The following PPM1B variants were observed in gnomAD, a reference collection of about 807,000 sequenced individuals.
PPM1B encodes the protein protein phosphatase 1B.
In PPM1B, 22 loss-of-function variants were observed where a neutral mutation model predicts 43.0. That is an observed-to-expected ratio of 0.51 (90% CI 0.37 to 0.73). PPM1B has a LOEUF of 0.73. Ranked by LOEUF, PPM1B falls within the 30% of genes least tolerant of loss-of-function variation. The pLI, the probability that PPM1B is intolerant of heterozygous loss-of-function variation, is 0.00. For missense variants in PPM1B, 632 were observed against 584.2 expected, an observed-to-expected ratio of 1.08 and a Z score of -0.84; for synonymous variants, 217 against 197.9, an observed-to-expected ratio of 1.10 and a Z score of -0.81.
At chr2:44,228,132 C>T (rs1270781066) in intron 5 of PPM1B, among the ~76,000 whole-genome samples, 2 of 150,518 alleles carry the variant, frequency 1.3e-5, no homozygotes, top group African/African-American at 2.4e-5. Flanking sequence ...CCATCTTGGC[C>T]AGGCTGGTCT....
chr2:44,172,762 C>G (rs75580191), intron 1 of PPM1B, among the ~76,000 whole-genome samples: 6,258 of 152,164 alleles, frequency 0.041, 419 homozygotes, highest in African/African-American at 0.14. Context: ...ATAAAGTTAG[C>G]TGGGCTTGGT....
At chr2:44,176,095 T>G (rs1667569719) in intron 1 of PPM1B, among the ~76,000 whole-genome samples, 1 of 152,020 alleles carries the variant, frequency 6.6e-6, no homozygotes, top group Admixed American at 6.6e-5. Context: ...GGTTTAAGAT[T>G]AAAAGATGAC....
intron 5 of PPM1B, among the ~76,000 whole-genome samples, chr2:44,229,541 CAT>C (rs1197761045): frequency 6.6e-6 from 1 of 152,140 alleles, no homozygotes; most frequent in Non-Finnish European, 1.5e-5. Flanking sequence ...ATTGTTTTCT[CAT>C]GTGTGCTCTA....
intron 5 of PPM1B, chr2:44,218,834 C>T: frequency 2.2e-6 from 1 of 465,104 alleles, no homozygotes; most frequent in East Asian, 6.4e-5. Context: ...TCCTTTAAAC[C>T]TTAATTTTGA....
chr2:44,178,470 ATATAT>A (rs1305733667), intron 1 of PPM1B, among the ~76,000 whole-genome samples: 19 of 76,758 alleles, frequency 2.5e-4, no homozygotes, highest in Admixed American at 6.8e-4. Context: ...ATATATATAT[ATATAT>A]TTTTTTTTTT....
rs146111412 is a variant in PPM1B, at chr2:44,187,490, G to T, written c.-14-13696G>T. On this transcript the variant is annotated intron_variant, in intron 1 of 5. Coordinates refer to ENST00000282412, the MANE Select transcript of PPM1B (RefSeq NM_002706.6). ...TTTATTTATAATTTTTTGAAGAAGCGCCATACTGCTTCCAAAAGCTTTTAA... is the reference window on the plus strand; with the variant it reads ...TTTATTTATAATTTTTTGAAGAAGCTCCATACTGCTTCCAAAAGCTTTTAA... Among the ~76,000 whole-genome samples, 524 of 152,116 alleles carry T rather than the reference G, an allele frequency of 3.4e-3. 3 individuals carry two copies. Among genetic ancestry groups the T allele is most frequent in the African/African-American group, 0.012 (502 of 41,488 alleles).
downstream of PPM1B, among the ~76,000 whole-genome samples, chr2:44,238,271 C>T (rs1413387264): frequency 3.9e-5 from 6 of 152,082 alleles, no homozygotes; most frequent in Non-Finnish European, 5.9e-5. Flanking sequence ...GGTTTATTTT[C>T]ATGAGATTTT....
chr2:44,193,249 A>G (rs1472782496), intron 1 of PPM1B, among the ~76,000 whole-genome samples: 1 of 152,176 alleles, frequency 6.6e-6, no homozygotes, highest in Non-Finnish European at 1.5e-5. Flanking sequence ...CCTAATAGCC[A>G]TTCTGACAGG....
intron 1 of PPM1B, among the ~76,000 whole-genome samples, chr2:44,176,403 A>G (rs377466979): frequency 3.3e-5 from 5 of 152,224 alleles, no homozygotes; most frequent in Non-Finnish European, 5.9e-5. Context: ...TGTAATGGCT[A>G]CTTTTGTGCT....
intron 5 of PPM1B, among the ~76,000 whole-genome samples, chr2:44,221,977 C>T (rs1449795752): frequency 2.6e-5 from 4 of 151,894 alleles, no homozygotes; most frequent in Non-Finnish European, 5.9e-5. Flanking sequence ...GATATTTTCC[C>T]AACTTTTAAA....
intron 1 of PPM1B, among the ~76,000 whole-genome samples, chr2:44,191,451 T>C (rs555463861): frequency 6.6e-6 from 1 of 152,280 alleles, no homozygotes; most frequent in East Asian, 1.9e-4. Context: ...CCTGACCTTA[T>C]GATTCGCCTG....
intron 1 of PPM1B, among the ~76,000 whole-genome samples, chr2:44,195,431 G>A (rs895262256): frequency 6.6e-6 from 1 of 151,712 alleles, no homozygotes; most frequent in African/African-American, 2.4e-5. Context: ...AGGCGGTCTT[G>A]AACTCCTGGC....
intron 1 of PPM1B, among the ~76,000 whole-genome samples, chr2:44,199,967 A>T (rs1032135372): frequency 6.6e-6 from 1 of 152,198 alleles, no homozygotes; most frequent in African/African-American, 2.4e-5. Context: ...AGATACGTAG[A>T]CCCAAATGGA....
intron 1 of PPM1B, among the ~76,000 whole-genome samples, chr2:44,197,504 A>T (rs1668721448): frequency 6.6e-6 from 1 of 152,212 alleles, no homozygotes; most frequent in Admixed American, 6.5e-5. Context: ...ACTAAACTCT[A>T]GTCTTTGGAT....
At chr2:44,198,189 C>G (rs1668753847) in intron 1 of PPM1B, among the ~76,000 whole-genome samples, 1 of 152,116 alleles carries the variant, frequency 6.6e-6, no homozygotes, top group Admixed American at 6.5e-5. Context: ...GAGACGGAGT[C>G]TTGCTCTGTT....
chr2:44,212,506 C>T (rs1669518211), intron 3 of PPM1B, among the ~76,000 whole-genome samples: 1 of 152,122 alleles, frequency 6.6e-6, no homozygotes, highest in Non-Finnish European at 1.5e-5. Flanking sequence ...CTTAGCTAAG[C>T]AAATCCAATC....
downstream of PPM1B, among the ~76,000 whole-genome samples, chr2:44,238,146 G>T (rs188570012): frequency 2.0e-5 from 3 of 151,982 alleles, no homozygotes; most frequent in Non-Finnish European, 2.9e-5. Context: ...TGGGTGATCC[G>T]CCCGCCTTGG....
chr2:44,245,036 G>A (rs147354583), downstream of PPM1B, among the ~76,000 whole-genome samples: 19 of 151,858 alleles, frequency 1.3e-4, no homozygotes, highest in African/African-American at 3.1e-4. Context: ...AACAATTTAC[G>A]TATCCATGCT....
At chr2:44,177,069 C>T (rs1282142186) in intron 1 of PPM1B, among the ~76,000 whole-genome samples, 2 of 152,194 alleles carry the variant, frequency 1.3e-5, no homozygotes, top group African/African-American at 2.4e-5. Flanking sequence ...CATGAGCCAC[C>T]GTGCCCGGCC....
Sources: allele counts gnomAD v4.1 joint callset (sites outside exome capture counted in the v4.1 genomes callset), GRCh38; gene constraint gnomAD v4.1.1; transcripts MANE v1.5; gene names NCBI Gene and HGNC (gene_info 2026-07-23, HGNC 2026-07-21).